CERKL: variants seen among roughly 807,000 people sequenced by gnomAD.
CERKL encodes the protein ceramide kinase-like protein.
In CERKL, 61 loss-of-function variants were observed where a neutral mutation model predicts 63.4. The observed-to-expected ratio is 0.96, with a 90% CI of 0.78 to 1.19. The LOEUF (loss-of-function observed/expected upper bound fraction) is 1.19, where lower values mean the gene tolerates loss of function less well. CERKL is among the 50% of genes most tolerant of loss of function. The pLI is 0.00. For synonymous variants in CERKL, 250 were observed against 230.5 expected (o/e 1.08, Z -0.77); for missense variants, 675 against 655.5 (o/e 1.03, Z -0.33).
chr2:181,622,254 C>T (rs1238671246), intron 1 of CERKL, among the ~76,000 whole-genome samples: 1 of 152,206 alleles, frequency 6.6e-6, no homozygotes, highest in Non-Finnish European at 1.5e-5. Flanking sequence ...CTAGCTCAAG[C>T]CGCATGCTCT....
At chr2:181,599,245 T>A (rs1035312070) in intron 2 of CERKL, among the ~76,000 whole-genome samples, 2 of 151,930 alleles carry the variant, frequency 1.3e-5, no homozygotes, top group African/African-American at 4.8e-5. Flanking sequence ...CAAAATACAC[T>A]TGGAAGCAGG....
chr2:181,645,782 A>G (rs930475901), intron 1 of CERKL, among the ~76,000 whole-genome samples: 1 of 152,232 alleles, frequency 6.6e-6, no homozygotes, highest in African/African-American at 2.4e-5. Context: ...CTTTATAAAT[A>G]CTGACTTTTA....
chr2:181,589,353 T>C (rs1574476462), intron 2 of CERKL, among the ~76,000 whole-genome samples: 1 of 152,208 alleles, frequency 6.6e-6, no homozygotes, highest in African/African-American at 2.4e-5. Flanking sequence ...TTTTGGCCCC[T>C]AGACTGAAAG....
Position 181,566,026 on chromosome 2 carries a change from T to C in CERKL, c.677+32A>G, listed in dbSNP as rs1350421575. On this transcript the variant is annotated intron_variant, in intron 4 of 12. Coordinates refer to ENST00000410087, the MANE Select transcript of CERKL (RefSeq NM_201548.5). Reference sequence around the variant, plus strand: ...GTGAAGGCATTTAATACATAAATGATATAACATATATTGATTAATAATATA... The same window carrying C: ...GTGAAGGCATTTAATACATAAATGACATAACATATATTGATTAATAATATA... The C allele has an allele frequency of 2.2e-6, 3 of 1,372,984 alleles. No homozygotes were observed. In the African/African-American group the frequency reaches 4.3e-5, roughly 20 times the overall value. 85.1% of individuals were successfully genotyped at this position (1,372,984 alleles called of 1,614,324 possible).
chr2:181,563,111 C>T (rs1394470661), intron 4 of CERKL, among the ~76,000 whole-genome samples: 3 of 152,038 alleles, frequency 2.0e-5, no homozygotes, highest in Non-Finnish European at 2.9e-5. Flanking sequence ...CAAGTCTATG[C>T]AGCTGATATT....
intron 2 of CERKL, among the ~76,000 whole-genome samples, chr2:181,598,258 A>G (rs1685303613): frequency 6.6e-6 from 1 of 152,134 alleles, no homozygotes; most frequent in South Asian, 2.1e-4. Flanking sequence ...TGTCTGCCCT[A>G]GACTGGGGGA....
chr2:181,642,591 G>A (rs1687491052), intron 1 of CERKL, among the ~76,000 whole-genome samples: 1 of 152,040 alleles, frequency 6.6e-6, no homozygotes, highest in Non-Finnish European at 1.5e-5. Flanking sequence ...AGATTTTCTA[G>A]TCACTGCTCT....
At chr2:181,567,555 A>T (rs1349898440) in intron 3 of CERKL, among the ~76,000 whole-genome samples, 1 of 151,798 alleles carries the variant, frequency 6.6e-6, no homozygotes, top group Non-Finnish European at 1.5e-5. Flanking sequence ...GAAAATAGCA[A>T]TTTTTTAAGT....
chr2:181,590,690 C>T (rs761760131), intron 2 of CERKL, among the ~76,000 whole-genome samples: 1 of 152,124 alleles, frequency 6.6e-6, no homozygotes, highest in Non-Finnish European at 1.5e-5. Flanking sequence ...AGATGCTGAA[C>T]TTTAATGTAT....
chr2:181,582,798 C>A (rs1476060894), intron 2 of CERKL, among the ~76,000 whole-genome samples: 1 of 152,088 alleles, frequency 6.6e-6, no homozygotes, highest in East Asian at 1.9e-4. Flanking sequence ...CCCACCTCAG[C>A]CTCCTAAAGT....
At chr2:181,618,486 G>T (rs886326311) in intron 1 of CERKL, among the ~76,000 whole-genome samples, 1 of 151,428 alleles carries the variant, frequency 6.6e-6, no homozygotes, top group African/African-American at 2.4e-5. Flanking sequence ...GCGCAATCTC[G>T]GCTCACGGCA....
In CERKL at chr2:181,566,082, TC is replaced by T. The variant is rs1218856350; in HGVS notation, c.652del (p.Glu218AsnfsTer22). 2.5e-6 allele frequency: 4 copies of T among 1,610,438 alleles called. No homozygotes were observed. The highest frequency in any genetic ancestry group is 3.4e-6 in the Non-Finnish European group (4 of 1,177,010). ...YEGHALSLLK[E>X]CELQGFDGVV... ...CCCATCAAATCCCTGGAGTTCACAT[TC>T]CTTAAGCAGTGACAGAGCGTGCCCT... On this transcript the variant is annotated frameshift_variant, in exon 4 of 13. Coordinates refer to ENST00000410087, the MANE Select transcript of CERKL (RefSeq NM_201548.5). LOFTEE classifies it high-confidence loss of function.
At chr2:181,642,317 G>A (rs556951677) in intron 1 of CERKL, among the ~76,000 whole-genome samples, 4 of 152,228 alleles carry the variant, frequency 2.6e-5, no homozygotes, top group South Asian at 2.1e-4. Flanking sequence ...CAGAACACCC[G>A]GTATCCATTT....
At chr2:181,604,111 C>A (rs1472987875) in intron 1 of CERKL, 32 bp from the exon 2 acceptor site, 1 of 1,543,904 alleles carries the variant, frequency 6.5e-7, no homozygotes, top group Admixed American at 1.7e-5. Flanking sequence ...CAATTAAAAC[C>A]ATTGTGTTTC....
intron 2 of CERKL, among the ~76,000 whole-genome samples, chr2:181,575,793 G>A (rs999529693): frequency 9.2e-5 from 14 of 152,142 alleles, no homozygotes; most frequent in East Asian, 1.9e-4. Context: ...CTAGTCTGCC[G>A]GGCCTTCCTT....
rs75960466 is a variant in CERKL at position 181,644,215 on chromosome 2, C to A, written c.238+12554G>T. 3.6e-4 allele frequency among the ~76,000 whole-genome samples: 55 copies of A among 152,376 alleles called. 1 individual carries two copies. The East Asian group carries it at 7.9e-3, about 22-fold the overall frequency. ...GGCACCATACTGGGGGTTGGCCCCACTGGGCACAGCACTTGACCTGCTCTG... is the reference window on the plus strand; with the variant it reads ...GGCACCATACTGGGGGTTGGCCCCAATGGGCACAGCACTTGACCTGCTCTG... On this transcript the variant is annotated intron_variant, in intron 1 of 12. Coordinates refer to ENST00000410087, the MANE Select transcript of CERKL (RefSeq NM_201548.5).
intron 1 of CERKL, among the ~76,000 whole-genome samples, chr2:181,607,837 C>T (rs995804327): frequency 6.6e-5 from 10 of 152,166 alleles, no homozygotes; most frequent in Non-Finnish European, 1.2e-4. Flanking sequence ...TTGTCTTCCA[C>T]ACGGGGGTGT....
chr2:181,619,573 T>C (rs770338479), intron 1 of CERKL, among the ~76,000 whole-genome samples: 4 of 152,218 alleles, frequency 2.6e-5, no homozygotes, highest in Admixed American at 2.6e-4. Context: ...AAAAGTTTTT[T>C]ATTGACTGTA....
In CERKL at chr2:181,650,171, AAGG is replaced by A. The variant is rs1033070884; in HGVS notation, c.238+6595_238+6597del. 4 of 151,716 alleles carry A rather than the reference AAGG, an allele frequency of 2.6e-5. 1 individual carries two copies. In the East Asian group the frequency reaches 5.8e-4, roughly 22 times the overall value. The allele number at this position is 151,716 out of a possible 1,614,324, so 9.4% of individuals were successfully genotyped here. On this transcript the variant is annotated intron_variant, in intron 1 of 12. Coordinates refer to ENST00000410087, the MANE Select transcript of CERKL (RefSeq NM_201548.5). ...GAAGGAAGGAAGGAAGGAAAGAAGG[AAGG>A]AGAAAGAAAAGAAATAAACTAGAAA...
Sources: gnomAD v4.1 joint callset for allele counts (sites outside exome capture counted in the v4.1 genomes callset) on GRCh38, gnomAD v4.1.1 for gene constraint, MANE v1.5 for transcripts, NCBI Gene and HGNC (gene_info 2026-07-23, HGNC 2026-07-21) for gene names.